The following NRXN1 variants were observed in gnomAD, a reference collection of about 807,000 sequenced individuals.
NRXN1 encodes neurexin-1.
A neutral mutation model predicts 150.9 loss-of-function variants in NRXN1; 39 were observed. The observed-to-expected ratio is 0.26, with a 90% CI of 0.20 to 0.34. NRXN1 has a LOEUF of 0.34. Ranked by LOEUF, NRXN1 falls within the 10% of genes least tolerant of loss-of-function variation. NRXN1 has a pLI of 1.00. For missense variants in NRXN1, 1,815 were observed against 1,949.9 expected (o/e 0.93, Z 1.30); for synonymous variants, 924 against 757.0 (o/e 1.22, Z -3.62).
chr2:50,109,965 G>C (rs1702160962), intron 18 of NRXN1, among the ~76,000 whole-genome samples: 1 of 152,080 alleles, frequency 6.6e-6, no homozygotes, highest in African/African-American at 2.4e-5. Context: ...CAATGGTTTC[G>C]ATTTTTATGC....
chr2:50,901,379 C>CA (rs943884366), intron 5 of NRXN1, among the ~76,000 whole-genome samples: 6 of 151,468 alleles, frequency 4.0e-5, no homozygotes, highest in Middle Eastern at 3.4e-3. Flanking sequence ...ACTAAAAATA[C>CA]AAAAAAAATT....
At chr2:51,010,958 T>C (rs1558581892) in intron 2 of NRXN1, among the ~76,000 whole-genome samples, 1 of 151,916 alleles carries the variant, frequency 6.6e-6, no homozygotes, top group Non-Finnish European at 1.5e-5. Context: ...TTTTTAAAAA[T>C]GTTTTTGTAT....
At chr2:50,650,782 G>C (rs1038779146) in intron 5 of NRXN1, among the ~76,000 whole-genome samples, 1 of 151,978 alleles carries the variant, frequency 6.6e-6, no homozygotes, top group African/African-American at 2.4e-5. Context: ...CCCTCCCTGT[G>C]TTCTTAACTG....
intron 2 of NRXN1, among the ~76,000 whole-genome samples, chr2:50,965,122 T>C (rs1192738051): frequency 6.6e-6 from 1 of 151,352 alleles, no homozygotes; most frequent in Non-Finnish European, 1.5e-5. Context: ...TCAAATACTA[T>C]GAAACTTATA....
intron 5 of NRXN1, among the ~76,000 whole-genome samples, chr2:50,731,103 T>G (rs1173836494): frequency 6.6e-6 from 1 of 152,190 alleles, no homozygotes; most frequent in Non-Finnish European, 1.5e-5. Context: ...TTTATTTTTC[T>G]AATCCATGCT....
intron 17 of NRXN1, among the ~76,000 whole-genome samples, chr2:50,369,367 G>T (rs2079838825): frequency 6.6e-6 from 1 of 151,882 alleles, no homozygotes; most frequent in South Asian, 2.1e-4. Context: ...TTCAGATTAA[G>T]CTTATTAAGT....
intron 21 of NRXN1, among the ~76,000 whole-genome samples, chr2:50,033,433 A>T (rs1394389716): frequency 6.6e-6 from 1 of 152,080 alleles, no homozygotes; most frequent in Non-Finnish European, 1.5e-5. Flanking sequence ...TATGAAGAAG[A>T]TTGGAACTGG....
chr2:50,220,562 G>A (rs1045435855), intron 18 of NRXN1, among the ~76,000 whole-genome samples: 6 of 152,004 alleles, frequency 3.9e-5, no homozygotes, highest in Middle Eastern at 3.4e-3. Context: ...AGGCAGAACC[G>A]AAATCCCTGA....
At chr2:50,146,748 G>T (rs1390006959) in intron 18 of NRXN1, among the ~76,000 whole-genome samples, 1 of 151,496 alleles carries the variant, frequency 6.6e-6, no homozygotes, top group Non-Finnish European at 1.5e-5. Flanking sequence ...AGTTTTCTTT[G>T]AATAATCTTC....
At chr2:49,955,898 T>G (rs554175188) in intron 21 of NRXN1, among the ~76,000 whole-genome samples, 1 of 152,200 alleles carries the variant, frequency 6.6e-6, no homozygotes, top group South Asian at 2.1e-4. Flanking sequence ...TTTGTACTCA[T>G]TTGTTGAATA....
chr2:50,019,125 A>C, intron 21 of NRXN1: 1 of 439,670 alleles, frequency 2.3e-6, no homozygotes, highest in Admixed American at 2.6e-5. Context: ...TGCTTTCATC[A>C]TCCCTAGGGT....
chr2:49,953,243 C>G (rs1287422166), intron 21 of NRXN1, among the ~76,000 whole-genome samples: 1 of 152,070 alleles, frequency 6.6e-6, no homozygotes, highest in Non-Finnish European at 1.5e-5. Flanking sequence ...TGAGTTGATT[C>G]ATGAGTTGAA....
chr2:50,949,496 GA>G (rs1335901885), intron 2 of NRXN1, among the ~76,000 whole-genome samples: 4 of 151,966 alleles, frequency 2.6e-5, no homozygotes, highest in African/African-American at 9.7e-5. Flanking sequence ...AAGGGACAGA[GA>G]AGGCCACAAT....
chr2:50,348,857 T>C (rs2078226301), intron 17 of NRXN1, among the ~76,000 whole-genome samples: 1 of 152,096 alleles, frequency 6.6e-6, no homozygotes, highest in African/African-American at 2.4e-5. Context: ...TTTGTCTTTA[T>C]TTCTATTTAA....
At chr2:50,475,697 C>A (rs946182977) in intron 15 of NRXN1, among the ~76,000 whole-genome samples, 2 of 152,020 alleles carry the variant, frequency 1.3e-5, no homozygotes, top group Non-Finnish European at 2.9e-5. Flanking sequence ...CTGTACTTAG[C>A]ACCACCACTT....
chr2:50,315,128 T>C (rs901661912), intron 17 of NRXN1, among the ~76,000 whole-genome samples: 3 of 152,082 alleles, frequency 2.0e-5, no homozygotes, highest in East Asian at 1.9e-4. Context: ...ATAAACACAG[T>C]AGAATCTCTT....
At chr2:50,411,521 C>T (rs11125302) in intron 17 of NRXN1, among the ~76,000 whole-genome samples, 9,622 of 151,736 alleles carry the variant, frequency 0.063, 702 homozygotes, top group East Asian at 0.37. Flanking sequence ...TCTGCCCCAC[C>T]GCCCTGTCTG....
intron 15 of NRXN1, among the ~76,000 whole-genome samples, chr2:50,476,476 C>T (rs1294461763): frequency 6.6e-6 from 1 of 151,722 alleles, no homozygotes; most frequent in African/African-American, 2.4e-5. Flanking sequence ...GCCTACCTTG[C>T]AAGGCCATAA....
chr2:50,556,183 C>T lies in NRXN1; in HGVS notation c.1321-3158G>A, dbSNP rs78723515. Among the ~76,000 whole-genome samples, 4 of 152,050 alleles carry T rather than the reference C, an allele frequency of 2.6e-5. No individual in the cohort carries two copies. In the East Asian group the frequency reaches 5.8e-4, roughly 22 times the overall value. On this transcript the variant is annotated intron_variant, in intron 8 of 22. Transcript: ENST00000401669. The stretch of plus-strand genomic sequence containing the variant: ...TCATCTGACCCAGATTTTATAATTA[C>T]CCTATTTTTCTAAAGTTAGACCTAC...
Sources: gnomAD v4.1 joint callset for allele counts (sites outside exome capture counted in the v4.1 genomes callset) on GRCh38, gnomAD v4.1.1 for gene constraint, MANE v1.5 for transcripts, NCBI Gene and HGNC (gene_info 2026-07-23, HGNC 2026-07-21) for gene names.